C14orf180: variants seen among roughly 807,000 people sequenced by gnomAD.
The protein encoded by C14orf180 is nutritionally-regulated adipose and cardiac enriched protein homolog.
A neutral mutation model predicts 13.9 loss-of-function variants in C14orf180; 13 were observed. The ratio of observed to expected loss-of-function variants is 0.94; its 90% CI spans 0.61 to 1.49. The LOEUF (loss-of-function observed/expected upper bound fraction) is 1.49, where lower values mean the gene tolerates loss of function less well. Ranked by LOEUF, C14orf180 falls within the 40% of genes most tolerant of loss-of-function variation. C14orf180 has a pLI of 0.00. For missense variants in C14orf180, 238 were observed against 232.0 expected, an observed-to-expected ratio of 1.03 and a Z score of -0.17; for synonymous variants, 113 against 106.3, an observed-to-expected ratio of 1.06 and a Z score of -0.39.
At chr14:104,588,431 C>A in intron 4 of C14orf180, 122 bp downstream of exon 4, 1 of 1,510,372 alleles carries the variant, frequency 6.6e-7, no homozygotes, top group Non-Finnish European at 9.1e-7. Context: ...AGTTGGGGAG[C>A]TCTTGTTGCA....
Position 104,586,494 on chromosome 14 carries a change from A to T in C14orf180, c.64A>T (p.Lys22Ter). The change falls in exon 2 of 5, where the codon AAG (lysine) becomes TAG (stop). Residue 22 changes from lysine (K) to a stop codon, truncating the protein, a stop_gained. Transcript: ENST00000557649. LOFTEE classifies it high-confidence loss of function. The stretch of plus-strand genomic sequence containing the variant: ...GCCAGAGACACGACGTCAGACCAGA[A>T]AGAATGAGGAGGCCGCGTGGGGCCC... Reference protein sequence around the residue: ...SRPETRRQTRKNEEAAWGPRV... With the variant: ...SRPETRRQTR 1 of 1,550,096 alleles carries T rather than the reference A, an allele frequency of 6.5e-7. No homozygotes were observed. The highest frequency in any genetic ancestry group is 8.7e-7 in the Non-Finnish European group (1 of 1,146,920).
Position 104,588,343 on chromosome 14 carries a change from G to GC in C14orf180, c.277+39dup, listed in dbSNP as rs142842253. 31,821 of 1,613,502 alleles carry GC rather than the reference G, an allele frequency of 0.02. 3,675 individuals carry two copies. The African/African-American group carries it at 0.31, about 16-fold the overall frequency. ...TGAGCCCACATCCCTGTGCCCCACT[G>GC]CCCCCTCCGTGGGTGCACCCACCCT... On this transcript the variant is annotated intron_variant, in intron 4 of 4. Transcript: ENST00000557649.
intron 1 of C14orf180, among the ~76,000 whole-genome samples, chr14:104,584,266 T>C (rs1886538116): frequency 6.6e-6 from 1 of 152,164 alleles, no homozygotes; most frequent in Admixed American, 6.5e-5. Context: ...GCTGTGGCCC[T>C]GGGCACGCCA....
rs1048100993 is a variant in C14orf180, at chr14:104,582,090, C to T, written c.-17+2087C>T. ...CAGCTGCTGCATGGGGGGCACTGCCCGCCCCGAGGAACCCTCAGGGAGGAC... is the reference window on the plus strand; with the variant it reads ...CAGCTGCTGCATGGGGGGCACTGCCTGCCCCGAGGAACCCTCAGGGAGGAC... On this transcript the variant is annotated intron_variant, in intron 1 of 4. Transcript: ENST00000557649. Among the ~76,000 whole-genome samples the T allele has an allele frequency of 5.3e-5, 8 of 152,290 alleles. No individual in the cohort carries two copies. In the South Asian group the frequency reaches 8.3e-4, roughly 16 times the overall value.
At chr14:104,582,397 C>G (rs1482930150) in intron 1 of C14orf180, among the ~76,000 whole-genome samples, 5 of 152,204 alleles carry the variant, frequency 3.3e-5, no homozygotes, top group Non-Finnish European at 7.4e-5. Flanking sequence ...GCCCTCACGT[C>G]TCTCAGCAGC....
At chr14:104,580,610 C>T (rs749846203) in intron 1 of C14orf180, among the ~76,000 whole-genome samples, 1 of 152,230 alleles carries the variant, frequency 6.6e-6, no homozygotes, top group Non-Finnish European at 1.5e-5. Flanking sequence ...GGATTCGTTA[C>T]TCCAGTAACT....
chr14:104,585,538 C>T (rs547404581), intron 1 of C14orf180, among the ~76,000 whole-genome samples: 64 of 152,272 alleles, frequency 4.2e-4, no homozygotes, highest in Non-Finnish European at 7.8e-4. Context: ...GCCAAAGACA[C>T]GGGGGTGGAG....
At chr14:104,581,047 C>G (rs1387534423) in intron 1 of C14orf180, 1 of 152,290 alleles carries the variant, frequency 6.6e-6, no homozygotes, top group African/African-American at 2.4e-5. Flanking sequence ...CCTGAGCAAG[C>G]CCAGTGGGCG....
At position 104,589,849 on chromosome 14, in the gene C14orf180, T is replaced by A. The variant is rs1360910678; in HGVS notation, c.*1066T>A. On this transcript the variant is annotated 3_prime_UTR_variant, in exon 5 of 5. Transcript: ENST00000557649. The surrounding 1 kb of genome is among the most constrained non-coding windows in gnomAD (Gnocchi z 4.9). ...TAAAACACACCGTGGCTTCCTTCAG[T>A]CTTGGTGTTTTTATAGAAATGAGAG... 1 of 152,110 alleles carries A rather than the reference T, an allele frequency of 6.6e-6. No homozygotes were observed. Among genetic ancestry groups the A allele is most frequent in the Non-Finnish European group, 1.5e-5 (1 of 68,006 alleles). 9.4% of individuals were successfully genotyped at this position (152,110 alleles called of 1,614,324 possible).
In C14orf180 at chr14:104,586,427, G is replaced by C. The variant is rs1326589190; in HGVS notation, c.-4G>C. On this transcript the variant is annotated 5_prime_UTR_variant, in exon 2 of 5. Coordinates refer to ENST00000557649, the MANE Select transcript of C14orf180 (RefSeq NM_001008404.3). ...CTGCTTATCTTAGGACCATGTTCCAGTAAATGAGGACTGCAGCAGGAGCCG... is the reference window on the plus strand; with the variant it reads ...CTGCTTATCTTAGGACCATGTTCCACTAAATGAGGACTGCAGCAGGAGCCG... 1 of 1,512,790 alleles carries C rather than the reference G, an allele frequency of 6.6e-7. No individual in the cohort carries two copies. The allele number at this position is 1,512,790 out of a possible 1,614,324, so 93.7% of individuals were successfully genotyped here. A position where few individuals can be genotyped will look rare whatever the true frequency, so the allele number is the denominator to read the frequency against.
intron 2 of C14orf180, 69 bp downstream of exon 2, chr14:104,586,610 G>A (rs1452193640): frequency 4.3e-6 from 4 of 920,042 alleles, no homozygotes; most frequent in Non-Finnish European, 4.6e-6. Flanking sequence ...GGGGCAGGGA[G>A]CAACAGACGT....
intron 1 of C14orf180, among the ~76,000 whole-genome samples, chr14:104,583,197 G>A (rs1250928692): frequency 6.6e-6 from 1 of 152,202 alleles, no homozygotes; most frequent in Non-Finnish European, 1.5e-5. Flanking sequence ...CCCACGTGAA[G>A]GTGCATCTCT....
Position 104,590,431 on chromosome 14 carries a change from G to C in C14orf180, c.*1648G>C, listed in dbSNP as rs1487259013. On this transcript the variant is annotated 3_prime_UTR_variant, in exon 5 of 5. Coordinates refer to ENST00000557649, the MANE Select transcript of C14orf180 (RefSeq NM_001008404.3). ...CCGCACAGGCCGATCTCCCCCAGCC[G>C]CTGCTGTCTGTCCACTGCAAAGGCA... 1.3e-5 allele frequency: 2 copies of C among 152,316 alleles called. No homozygotes were observed. The highest frequency in any genetic ancestry group is 2.9e-5 in the Non-Finnish European group (2 of 68,090). The allele number at this position is 152,316 out of a possible 1,614,324, so 9.4% of individuals were successfully genotyped here. A position where few individuals can be genotyped will look rare whatever the true frequency, so the allele number is the denominator to read the frequency against.
intron 3 of C14orf180, 75 bp downstream of exon 3, chr14:104,587,953 C>T (rs1343765449): frequency 6.7e-7 from 1 of 1,500,046 alleles, no homozygotes; most frequent in African/African-American, 1.4e-5. Flanking sequence ...CCGGCCACAC[C>T]CACACAGCTC....
chr14:104,587,342 GGCCCGGCCCCT>G (rs1376832828), intron 2 of C14orf180, among the ~76,000 whole-genome samples: 3 of 152,220 alleles, frequency 2.0e-5, no homozygotes, highest in Non-Finnish European at 4.4e-5. Context: ...TCACGGCCCT[GGCCCGGCCCCT>G]GCCCCATAGA....
At chr14:104,581,428 G>A (rs950019938) in intron 1 of C14orf180, 63 of 152,416 alleles carry the variant, frequency 4.1e-4, no homozygotes, top group African/African-American at 1.5e-3. Flanking sequence ...GGGCTGTCCC[G>A]AGAGCAGCAA....
At position 104,586,489 on chromosome 14, in the gene C14orf180, C is replaced by T; in HGVS notation, c.59C>T (p.Thr20Ile). 6.4e-7 allele frequency: 1 copy of T among 1,550,544 alleles called. No homozygotes were observed. Residue 20 changes from threonine to isoleucine, a missense_variant, in exon 2 of 5, where the codon ACC becomes ATC. By Grantham distance (89) the Thr-to-Ile change is moderately conservative. Transcript: ENST00000557649. The part of the protein sequence containing the change: ...PDSRPETRRQ[T>I]RKNEEAAWGP... ...TCCCGGCCAGAGACACGACGTCAGA[C>T]CAGAAAGAATGAGGAGGCCGCGTGG... is the stretch of plus-strand genomic sequence containing the variant.
Position 104,588,765 on chromosome 14 carries a change from C to A in C14orf180, c.465C>A (p.Arg155=). ...GGCACGTGGCCCTCACCTGCTGGCGCGGCCTCCTGCGGCTCTGACGGGCAG... is the reference window on the plus strand; with the variant it reads ...GGCACGTGGCCCTCACCTGCTGGCGAGGCCTCCTGCGGCTCTGACGGGCAG... ...HLRHVALTCW[R]GLLRL The change falls in exon 5 of 5, where the codon CGC becomes CGA. Residue 155 remains arginine, a synonymous_variant. Coordinates refer to ENST00000557649, the MANE Select transcript of C14orf180 (RefSeq NM_001008404.3). The A allele has an allele frequency of 2.6e-6, 4 of 1,527,184 alleles. No homozygotes were observed. Among genetic ancestry groups the A allele is most frequent in the Non-Finnish European group, 3.5e-6 (4 of 1,145,204 alleles). 94.6% of individuals were successfully genotyped at this position (1,527,184 alleles called of 1,614,324 possible).
intron 3 of C14orf180, 113 bp downstream of exon 3, chr14:104,587,991 G>A (rs927714816): frequency 2.4e-5 from 32 of 1,332,054 alleles, no homozygotes; most frequent in Admixed American, 1.0e-4. Context: ...TGGGGGGGCC[G>A]TGGCCACCTG....
Sources: gnomAD v4.1 joint callset for allele counts (sites outside exome capture counted in the v4.1 genomes callset) on GRCh38, gnomAD v4.1.1 for gene constraint, Gnocchi (gnomAD v3.1) non-coding constraint, MANE v1.5 for transcripts, NCBI Gene and HGNC (gene_info 2026-07-23, HGNC 2026-07-21) for gene names.